Variants in GLRA2 observed in about 807,000 individuals in gnomAD.
GLRA2 encodes glycine receptor subunit alpha-2.
In GLRA2, 11 loss-of-function variants were observed where a neutral mutation model predicts 31.6. The ratio of observed to expected loss-of-function variants is 0.35; its 90% CI spans 0.22 to 0.58. The LOEUF is 0.58. Among genes scored for constraint, GLRA2 ranks in the 20% least tolerant of loss-of-function variants. The pLI is 0.84. For missense variants in GLRA2, 212 were observed against 351.8 expected (o/e 0.60, Z 3.18); for synonymous variants, 132 against 134.0 (o/e 0.99, Z 0.10).
intron 2 of GLRA2, among the ~76,000 whole-genome samples, chrX:14,548,593 C>T (rs1469147400): frequency 9.0e-6 from 1 of 111,510 alleles, no homozygotes. Flanking sequence ...TACTTTACCA[C>T]TATTTCAGTA....
the GLRA2 span, among the ~76,000 whole-genome samples, chrX:14,450,804 C>G: frequency 1.8e-5 from 2 of 111,492 alleles, no homozygotes; most frequent in Non-Finnish European, 3.8e-5. Flanking sequence ...CTCCTAAATT[C>G]AAGTGATCCT....
chrX:14,527,421 T>A (rs1408241058), upstream of GLRA2, among the ~76,000 whole-genome samples: 2 of 111,143 alleles, frequency 1.8e-5, no homozygotes, highest in Non-Finnish European at 3.8e-5. Flanking sequence ...TCAAGACCAT[T>A]CTGGCCAACA....
intron 2 of GLRA2, among the ~76,000 whole-genome samples, chrX:14,533,694 G>A (rs781160618): frequency 2.7e-5 from 3 of 110,981 alleles, no homozygotes; most frequent in Non-Finnish European, 5.7e-5. Context: ...TTTTGAGTCT[G>A]GACTATCTGC....
chrX:14,574,549 A>T (rs755764739), intron 3 of GLRA2, 149 bp downstream of exon 3: 1 of 1,187,516 alleles, frequency 8.4e-7, no homozygotes, highest in Non-Finnish European at 1.1e-6. Context: ...TCAATAGCAG[A>T]AACTACAATG....
At chrX:14,642,097 G>C (rs1235531189) in intron 7 of GLRA2, among the ~76,000 whole-genome samples, 1 of 111,854 alleles carries the variant, frequency 8.9e-6, no homozygotes, top group Non-Finnish European at 1.9e-5. Flanking sequence ...AAAATCTGCA[G>C]TAACACTCCT....
intron 6 of GLRA2, 46 bp downstream of exon 6, chrX:14,607,314 C>T (rs767536117): frequency 1.4e-5 from 14 of 1,029,921 alleles, no homozygotes; most frequent in African/African-American, 3.9e-5. Flanking sequence ...CACAAGTGAG[C>T]GCCATTTGCA....
intron 8 of GLRA2, among the ~76,000 whole-genome samples, chrX:14,696,325 C>G (rs1427714598): frequency 9.1e-6 from 1 of 109,588 alleles, no homozygotes; most frequent in Non-Finnish European, 1.9e-5. Context: ...GGGGAAAACA[C>G]GGAAGAGACA....
At chrX:14,641,699 G>A (rs1313316134) in intron 7 of GLRA2, among the ~76,000 whole-genome samples, 1 of 111,448 alleles carries the variant, frequency 9.0e-6, no homozygotes, top group Non-Finnish European at 1.9e-5. Flanking sequence ...CATTGTGTCC[G>A]TTAAGGTTAG....
chrX:14,613,974 T>G (rs2090429108), intron 7 of GLRA2, among the ~76,000 whole-genome samples: 1 of 112,061 alleles, frequency 8.9e-6, no homozygotes, highest in African/African-American at 3.2e-5. Flanking sequence ...TATTTTAGGA[T>G]AGTCTATTAT....
At chrX:14,459,742 A>G in the GLRA2 span, among the ~76,000 whole-genome samples, 6 of 112,029 alleles carry the variant, frequency 5.4e-5, no homozygotes, top group African/African-American at 1.3e-4. Context: ...AGACTGCTGA[A>G]GTTGCTTATC....
chrX:14,651,049 T>C (rs979732235), intron 7 of GLRA2, among the ~76,000 whole-genome samples: 13 of 112,314 alleles, frequency 1.2e-4, no homozygotes, highest in African/African-American at 4.2e-4. Flanking sequence ...AAGATCGCTA[T>C]AGTCCAGAAC....
the GLRA2 span, among the ~76,000 whole-genome samples, chrX:14,485,203 G>GA: frequency 2.7e-5 from 3 of 112,174 alleles, no homozygotes; most frequent in African/African-American, 9.7e-5. Context: ...TCACTTGAGT[G>GA]TGAGGTTATC....
chrX:14,523,798 A>G, the GLRA2 span, among the ~76,000 whole-genome samples: 1 of 111,603 alleles, frequency 9.0e-6, no homozygotes, highest in African/African-American at 3.3e-5. Context: ...GTGCCCCCAA[A>G]CAATTACAGT....
intron 8 of GLRA2, among the ~76,000 whole-genome samples, chrX:14,709,909 A>G (rs781180808): frequency 8.9e-6 from 1 of 112,119 alleles, no homozygotes; most frequent in African/African-American, 3.2e-5. Flanking sequence ...GCTTACCAAC[A>G]TCATTCAAAT....
chrX:14,633,400 CAGG>C (rs756658404), intron 7 of GLRA2, among the ~76,000 whole-genome samples: 17 of 111,343 alleles, frequency 1.5e-4, no homozygotes, highest in Non-Finnish European at 2.6e-4. Flanking sequence ...AAGGCTGAGG[CAGG>C]AGGATAGCTT....
intron 7 of GLRA2, among the ~76,000 whole-genome samples, chrX:14,628,094 G>A (rs1022265773): frequency 7.2e-5 from 8 of 111,363 alleles, no homozygotes; most frequent in South Asian, 3.8e-4. Flanking sequence ...GCACCAAGAC[G>A]TAAATTCATT....
chrX:14,647,948 C>G (rs901391227), intron 7 of GLRA2, among the ~76,000 whole-genome samples: 6 of 112,301 alleles, frequency 5.3e-5, no homozygotes, highest in African/African-American at 1.9e-4. Context: ...AGGATAATAT[C>G]ATAGAATCCT....
chrX:14,600,075 A>C (rs2090251021), intron 4 of GLRA2, among the ~76,000 whole-genome samples: 1 of 111,515 alleles, frequency 9.0e-6, no homozygotes, highest in Non-Finnish European at 1.9e-5. Context: ...CTGAGTTCTC[A>C]GCTGAGACAA....
chrX:14,508,222 C>G, the GLRA2 span, among the ~76,000 whole-genome samples: 24 of 112,419 alleles, frequency 2.1e-4, no homozygotes, highest in African/African-American at 6.1e-4. Flanking sequence ...CCAAAGCCAA[C>G]TGGCATTTCT....
Sources: allele counts gnomAD v4.1 joint callset (sites outside exome capture counted in the v4.1 genomes callset), GRCh38; gene constraint gnomAD v4.1.1; transcripts MANE v1.5; gene names NCBI Gene and HGNC (gene_info 2026-07-23, HGNC 2026-07-21).